The following FREM3 variants were observed in gnomAD, a reference collection of about 807,000 sequenced individuals.
FREM3 encodes the protein FRAS1 related extracellular matrix 3.
Under a neutral mutation model 129.1 loss-of-function variants are expected in FREM3, and 105 were observed. The observed-to-expected ratio is 0.81, with a 90% CI of 0.69 to 0.96. FREM3 has a LOEUF of 0.96. Among genes scored for constraint, FREM3 ranks in the 40% least tolerant of loss-of-function variants. The pLI, the probability that FREM3 is intolerant of heterozygous loss-of-function variation, is 0.00. For synonymous variants in FREM3, 1,014 were observed against 1,044.9 expected (o/e 0.97, Z 0.57); for missense variants, 2,593 against 2,666.3 (o/e 0.97, Z 0.61).
intron 2 of FREM3, among the ~76,000 whole-genome samples, chr4:143,680,511 C>T (rs1740230507): frequency 6.6e-6 from 1 of 152,084 alleles, no homozygotes; most frequent in African/African-American, 2.4e-5. Flanking sequence ...GGCATTTTGT[C>T]TCATCACTAC....
chr4:143,590,453 G>A (rs1007398682), intron 6 of FREM3, among the ~76,000 whole-genome samples: 16 of 152,136 alleles, frequency 1.1e-4, no homozygotes, highest in African/African-American at 3.6e-4. Flanking sequence ...ATGAAGCATT[G>A]TTGAATTTTG....
At chr4:143,627,570 T>A in intron 3 of FREM3, 44 bp downstream of exon 3, 1 of 1,456,552 alleles carries the variant, frequency 6.9e-7, no homozygotes, top group Non-Finnish European at 9.3e-7. Flanking sequence ...CCAGATTTCA[T>A]GTTTCCATGA....
chr4:143,588,863 G>GT (rs1738297791), intron 6 of FREM3, among the ~76,000 whole-genome samples: 1 of 149,924 alleles, frequency 6.7e-6, no homozygotes, highest in South Asian at 2.2e-4. Context: ...CCCACCAACA[G>GT]GGTAAAAGTG....
chr4:143,660,153 T>C (rs1048492123), intron 2 of FREM3, among the ~76,000 whole-genome samples: 15 of 151,040 alleles, frequency 9.9e-5, no homozygotes, highest in Non-Finnish European at 1.6e-4. Context: ...ATGAAGTCCT[T>C]GCCCATGCCT....
chr4:143,605,242 A>T (rs1189161848), intron 6 of FREM3, among the ~76,000 whole-genome samples: 1 of 152,082 alleles, frequency 6.6e-6, no homozygotes, highest in Non-Finnish European at 1.5e-5. Context: ...TCTTATGAAC[A>T]TTAGAGGATT....
rs1034534282 is a variant in FREM3 at position 143,696,277 on chromosome 4, C to A, written c.4399G>T (p.Ala1467Ser). 1 of 1,537,638 alleles carries A rather than the reference C, an allele frequency of 6.5e-7. No individual in the cohort carries two copies. Among genetic ancestry groups the A allele is most frequent in the Non-Finnish European group, 8.7e-7 (1 of 1,146,998 alleles). The change falls in exon 1 of 8, where the codon GCT (alanine) becomes TCT (serine). Residue 1467 changes from alanine to serine, a missense_variant. Transcript: ENST00000329798. ...CTTTCTAAGTGACCCAGGCTTGGAG[C>A]CCGTGTAATGCTAAAGTGATGTTCA... ...SDEHHFSITR[A>S]PSLGHLESSD...
At position 143,699,857 on chromosome 4, in the gene FREM3, C is replaced by T. The variant is rs1478283237; in HGVS notation, c.819G>A (p.Gly273=). 7.8e-6 allele frequency: 12 copies of T among 1,536,638 alleles called. No homozygotes were observed. In the Admixed American group the frequency reaches 9.8e-5, roughly 13 times the overall value. ...DYVPMMVELL[G]PEGQDAGSAG... The stretch of plus-strand genomic sequence containing the variant: ...CGGACCCAGCGTCTTGGCCCTCAGG[C>T]CCCAGCAGCTCCACCATCATGGGCA... Residue 273 remains glycine (G), a synonymous_variant, in exon 1 of 8, where the codon GGG becomes GGA. Coordinates refer to ENST00000329798, the MANE Select transcript of FREM3 (RefSeq NM_001168235.2). The surrounding 1 kb of genome is among the most constrained non-coding windows in gnomAD (Gnocchi z 4.2).
intron 2 of FREM3, among the ~76,000 whole-genome samples, chr4:143,644,174 CAT>C (rs1739372692): frequency 8.2e-6 from 1 of 122,140 alleles, no homozygotes. Flanking sequence ...TCCTGCTCTG[CAT>C]ATGTGTGTGT....
chr4:143,588,281 T>G (rs1414913595), intron 6 of FREM3, among the ~76,000 whole-genome samples: 1 of 152,186 alleles, frequency 6.6e-6, no homozygotes, highest in East Asian at 1.9e-4. Context: ...TTAGGGTACA[T>G]GTGCACAATG....
chr4:143,672,165 T>C (rs868276192), intron 2 of FREM3, among the ~76,000 whole-genome samples: 7 of 152,174 alleles, frequency 4.6e-5, no homozygotes, highest in Non-Finnish European at 1.0e-4. Context: ...TGATTCTAAA[T>C]TGCAGACTTA....
At chr4:143,588,566 C>T (rs897017117) in intron 6 of FREM3, among the ~76,000 whole-genome samples, 3 of 152,066 alleles carry the variant, frequency 2.0e-5, no homozygotes, top group African/African-American at 7.2e-5. Context: ...CTACAATGGA[C>T]ATGAACTCAT....
intron 2 of FREM3, among the ~76,000 whole-genome samples, chr4:143,653,022 ACT>A (rs1248176869): frequency 2.6e-5 from 4 of 152,086 alleles, no homozygotes; most frequent in African/African-American, 4.8e-5. Flanking sequence ...ATAGGGCTTG[ACT>A]CTATTTTTTT....
intron 2 of FREM3, among the ~76,000 whole-genome samples, chr4:143,633,430 A>C (rs1389613820): frequency 6.6e-6 from 1 of 152,188 alleles, no homozygotes; most frequent in Non-Finnish European, 1.5e-5. Context: ...CATCCATTCA[A>C]TTATTGCATA....
rs192173348 is a variant in FREM3, at chr4:143,593,646, C to G, written c.6029-7653G>C. ...TGTGTGAGGTGTCAGTCCACCCCTA[C>G]TGGGAGGTGCCTCCCAGTTAGGCTA... On this transcript the variant is annotated intron_variant, in intron 6 of 7. Coordinates refer to ENST00000329798, the MANE Select transcript of FREM3 (RefSeq NM_001168235.2). 3.3e-5 allele frequency among the ~76,000 whole-genome samples: 5 copies of G among 152,346 alleles called. No individual in the cohort carries two copies. The East Asian group carries it at 5.8e-4, about 18-fold the overall frequency.
intron 6 of FREM3, among the ~76,000 whole-genome samples, chr4:143,595,648 G>C (rs1738459485): frequency 6.6e-6 from 1 of 152,126 alleles, no homozygotes; most frequent in African/African-American, 2.4e-5. Flanking sequence ...AGCACTTTGG[G>C]AGGCCAAGGT....
chr4:143,606,371 C>CT (rs34964024), intron 6 of FREM3, among the ~76,000 whole-genome samples: 66,284 of 147,138 alleles, frequency 0.45, 14,916 homozygotes, highest in African/African-American at 0.51. Context: ...AATATAGTAA[C>CT]TTTTTTTTTT....
At chr4:143,636,616 G>A (rs1739237895) in intron 2 of FREM3, among the ~76,000 whole-genome samples, 1 of 151,548 alleles carries the variant, frequency 6.6e-6, no homozygotes, top group Non-Finnish European at 1.5e-5. Flanking sequence ...AAAAAATATG[G>A]GAAAAAGACA....
At chr4:143,592,096 G>A (rs1485946550) in intron 6 of FREM3, among the ~76,000 whole-genome samples, 4 of 152,148 alleles carry the variant, frequency 2.6e-5, no homozygotes, top group Non-Finnish European at 5.9e-5. Context: ...TTGCTTGGTA[G>A]ATCTTCCTCC....
chr4:143,603,595 T>C (rs548744677), intron 6 of FREM3, among the ~76,000 whole-genome samples: 1 of 152,234 alleles, frequency 6.6e-6, no homozygotes, highest in African/African-American at 2.4e-5. Flanking sequence ...AACAACTTAA[T>C]GTAAATATGT....
Sources: gnomAD v4.1 joint callset for allele counts (sites outside exome capture counted in the v4.1 genomes callset) on GRCh38, gnomAD v4.1.1 for gene constraint, Gnocchi (gnomAD v3.1) non-coding constraint, MANE v1.5 for transcripts, NCBI Gene and HGNC (gene_info 2026-07-23, HGNC 2026-07-21) for gene names.